Variants in ZFTRAF1 observed in about 807,000 individuals in gnomAD.
The protein encoded by ZFTRAF1 is zinc finger TRAF-type and ring finger containing 1.
At chr8:144,462,098 C>G in the ZFTRAF1 span, among the ~76,000 whole-genome samples, 4 of 152,262 alleles carry the variant, frequency 2.6e-5, no homozygotes, top group African/African-American at 9.6e-5. Flanking sequence ...GAGAGAAAGA[C>G]AACGAGGAGC....
At chr8:144,453,690 A>C in the ZFTRAF1 span, 1 of 538,598 alleles carries the variant, frequency 1.9e-6, no homozygotes. Context: ...TCCTAAAAGC[A>C]AGGCCTCATC....
the ZFTRAF1 span, among the ~76,000 whole-genome samples, chr8:144,458,393 G>C: frequency 2.0e-5 from 3 of 152,360 alleles, no homozygotes; most frequent in South Asian, 2.1e-4. Flanking sequence ...AGATACCTAA[G>C]CAGACGTATT....
the ZFTRAF1 span, chr8:144,452,072 GC>G: frequency 4.2e-6 from 2 of 475,488 alleles, no homozygotes; most frequent in Non-Finnish European, 7.8e-6. Context: ...ACAGTGAGAT[GC>G]CACCTTGCAG....
chr8:144,461,527 G>A, the ZFTRAF1 span, among the ~76,000 whole-genome samples: 1 of 152,212 alleles, frequency 6.6e-6, no homozygotes, highest in African/African-American at 2.4e-5. Context: ...GGGGGAGGAG[G>A]GGTGGGCCGG....
At chr8:144,454,217 T>G in the ZFTRAF1 span, 12 of 152,456 alleles carry the variant, frequency 7.9e-5, no homozygotes, top group African/African-American at 2.6e-4. Flanking sequence ...CCCAGTGGCC[T>G]ATCCTGGCTC....
the ZFTRAF1 span, among the ~76,000 whole-genome samples, chr8:144,460,385 C>T: frequency 3.9e-5 from 6 of 152,212 alleles, no homozygotes; most frequent in Admixed American, 6.5e-5. Flanking sequence ...CCAGGAGCTC[C>T]GGTCAGAAGC....
chr8:144,460,567 T>C, the ZFTRAF1 span, among the ~76,000 whole-genome samples: 1 of 152,216 alleles, frequency 6.6e-6, no homozygotes, highest in Non-Finnish European at 1.5e-5. Context: ...GCTTGGCTTG[T>C]TGGAGTCTCC....
the ZFTRAF1 span, among the ~76,000 whole-genome samples, chr8:144,461,168 G>A: frequency 1.3e-5 from 2 of 152,216 alleles, no homozygotes; most frequent in Admixed American, 6.5e-5. Context: ...AGAGTTTGGA[G>A]AAATGGCAAC....
chr8:144,450,501 T>C, the ZFTRAF1 span: 2 of 718,416 alleles, frequency 2.8e-6, no homozygotes, highest in Non-Finnish European at 2.6e-6. Context: ...CTCTCGTTGG[T>C]GAAGACAAAG....
chr8:144,462,141 G>C, the ZFTRAF1 span: 4 of 356,958 alleles, frequency 1.1e-5, no homozygotes, highest in Non-Finnish European at 2.0e-5. Context: ...CGCTGGGCGA[G>C]GAAGTGGCTG....
chr8:144,451,040 G>A, the ZFTRAF1 span: 1 of 429,980 alleles, frequency 2.3e-6, no homozygotes, highest in Non-Finnish European at 4.2e-6. Flanking sequence ...CCCCAGGCGT[G>A]CCCGACCCAC....
the ZFTRAF1 span, chr8:144,455,862 C>T: frequency 6.6e-6 from 1 of 152,590 alleles, no homozygotes; most frequent in South Asian, 2.1e-4. Context: ...AGCACATCAC[C>T]ACTTACCTCC....
the ZFTRAF1 span, chr8:144,452,689 G>T: frequency 2.2e-6 from 2 of 914,290 alleles, no homozygotes; most frequent in Non-Finnish European, 3.3e-6. Context: ...ACACGTAACT[G>T]TGAGCCCACC....
chr8:144,461,190 C>G, the ZFTRAF1 span, among the ~76,000 whole-genome samples: 1 of 152,198 alleles, frequency 6.6e-6, no homozygotes, highest in Non-Finnish European at 1.5e-5. Flanking sequence ...TAGACTAGCC[C>G]TACACCACCT....
the ZFTRAF1 span, chr8:144,452,243 C>A: frequency 8.4e-7 from 1 of 1,194,904 alleles, no homozygotes; most frequent in Non-Finnish European, 1.2e-6. Context: ...TGTCCAGAGC[C>A]CGGCTGTCCG....
At chr8:144,457,553 G>C in the ZFTRAF1 span, 1 of 152,158 alleles carries the variant, frequency 6.6e-6, no homozygotes, top group African/African-American at 2.4e-5. Flanking sequence ...ATGGCCATTT[G>C]CACCTGCATC....
the ZFTRAF1 span, chr8:144,462,828 A>ACCGACCCCGGCACGGCCG: frequency 6.6e-6 from 1 of 150,384 alleles, no homozygotes; most frequent in Non-Finnish European, 1.5e-5. Context: ...CGCCGCGGCC[A>ACCGACCCCGGCACGGCCG]CCGACCCCGG....
At chr8:144,456,988 G>A in the ZFTRAF1 span, 2 of 148,030 alleles carry the variant, frequency 1.4e-5, no homozygotes, top group African/African-American at 2.5e-5. Flanking sequence ...GACATTACAG[G>A]GGATGACATT....
the ZFTRAF1 span, chr8:144,452,607 C>A: frequency 6.6e-7 from 1 of 1,519,360 alleles, no homozygotes; most frequent in Non-Finnish European, 8.8e-7. Context: ...AGACTGAGCC[C>A]CGAACAGGAG....
Sources: allele counts gnomAD v4.1 joint callset (sites outside exome capture counted in the v4.1 genomes callset), GRCh38; gene constraint gnomAD v4.1.1; transcripts MANE v1.5; gene names NCBI Gene and HGNC (gene_info 2026-07-23, HGNC 2026-07-21).